Variants in TC2N observed in about 807,000 individuals in gnomAD.
TC2N encodes the protein tandem C2 domains, nuclear.
Under a neutral mutation model 61.9 loss-of-function variants are expected in TC2N, and 51 were observed. That is an observed-to-expected ratio of 0.82 (90% CI 0.66 to 1.04). TC2N has a LOEUF of 1.04. Among genes scored for constraint, TC2N ranks in the 50% least tolerant of loss-of-function variants. The pLI, the probability that TC2N is intolerant of heterozygous loss-of-function variation, is 0.00. For missense variants in TC2N, 556 were observed against 566.7 expected (o/e 0.98, Z 0.19); for synonymous variants, 204 against 192.6 (o/e 1.06, Z -0.49).
In TC2N at chr14:91,823,278, T is replaced by C. The variant is rs190126642; in HGVS notation, c.-56-9453A>G. ...GCTCATGCCTGTAGTCCCAGCACTT[T>C]GGGAGGCCAAGGCGGGTGGATCACC... On this transcript the variant is annotated intron_variant, in intron 1 of 11. Transcript: ENST00000435962. Among the ~76,000 whole-genome samples the C allele has an allele frequency of 1.5e-4, 23 of 151,806 alleles. No individual in the cohort carries two copies. In the East Asian group the frequency reaches 3.0e-3, roughly 20 times the overall value.
chr14:91,805,536 G>A (rs541040435), intron 3 of TC2N, among the ~76,000 whole-genome samples: 35 of 152,024 alleles, frequency 2.3e-4, no homozygotes, highest in Non-Finnish European at 3.7e-4. Flanking sequence ...GTGGTGGCCC[G>A]CGCCTGTAGT....
At chr14:91,851,537 G>C (rs1234130750) in intron 1 of TC2N, among the ~76,000 whole-genome samples, 1 of 152,136 alleles carries the variant, frequency 6.6e-6, no homozygotes, top group East Asian at 1.9e-4. Flanking sequence ...GAATGAAGAA[G>C]GAAGTTTTAA....
chr14:91,840,206 G>A (rs189938663), intron 1 of TC2N, among the ~76,000 whole-genome samples: 30 of 152,188 alleles, frequency 2.0e-4, no homozygotes, highest in African/African-American at 7.2e-4. Context: ...ATTGGATGGT[G>A]ATGTGAGTGA....
At chr14:91,823,059 C>T (rs1010674097) in intron 1 of TC2N, among the ~76,000 whole-genome samples, 5 of 151,966 alleles carry the variant, frequency 3.3e-5, no homozygotes, top group African/African-American at 1.2e-4. Flanking sequence ...TAGGTACATA[C>T]ATACATGAAA....
intron 4 of TC2N, among the ~76,000 whole-genome samples, chr14:91,801,003 T>C (rs938278153): frequency 1.3e-5 from 2 of 151,172 alleles, no homozygotes; most frequent in East Asian, 1.9e-4. Flanking sequence ...CACACATATG[T>C]ATACATATAT....
rs1885029210 is a variant in TC2N, at chr14:91,780,265, A to T, written c.*2835T>A. 1 of 152,244 alleles carries T rather than the reference A, an allele frequency of 6.6e-6. No individual in the cohort carries two copies. The allele number at this position is 152,244 out of a possible 1,614,324, so 9.4% of individuals were successfully genotyped here. On this transcript the variant is annotated 3_prime_UTR_variant, in exon 12 of 12. Transcript: ENST00000435962. ...ATCCTTCATAAGCAAGTATTTGATTAAACAAAAATGGAAAATGTTACTAGG... is the reference window on the plus strand; with the variant it reads ...ATCCTTCATAAGCAAGTATTTGATTTAACAAAAATGGAAAATGTTACTAGG...
At chr14:91,841,435 C>T (rs951073112) in intron 1 of TC2N, among the ~76,000 whole-genome samples, 3 of 152,174 alleles carry the variant, frequency 2.0e-5, no homozygotes, top group Non-Finnish European at 2.9e-5. Context: ...AGAATTGAGG[C>T]AAGATTTGGA....
At chr14:91,832,850 G>A (rs1470412889) in intron 1 of TC2N, among the ~76,000 whole-genome samples, 1 of 152,052 alleles carries the variant, frequency 6.6e-6, no homozygotes, top group Non-Finnish European at 1.5e-5. Flanking sequence ...CCATCCGCAG[G>A]ATAATGGATA....
chr14:91,847,710 T>A lies in TC2N; in HGVS notation c.-57+19552A>T, dbSNP rs942098095. ...TGGAGCAGATATAAGCCTTTCCCAC[T>A]CAGCCCTGCCCACATTGCAGATTCA... On this transcript the variant is annotated intron_variant, in intron 1 of 11. Transcript: ENST00000435962. Among the ~76,000 whole-genome samples, 9 of 152,146 alleles carry A rather than the reference T, an allele frequency of 5.9e-5. 1 individual carries two copies. Among genetic ancestry groups the A allele is most frequent in the Non-Finnish European group, 8.8e-5 (6 of 68,018 alleles).
intron 1 of TC2N, among the ~76,000 whole-genome samples, chr14:91,852,166 G>A (rs1888388293): frequency 1.3e-5 from 2 of 152,212 alleles, no homozygotes; most frequent in African/African-American, 2.4e-5. Context: ...GGTGGCTCAC[G>A]CCTGTAATCC....
At chr14:91,835,500 A>G (rs1265698865) in intron 1 of TC2N, among the ~76,000 whole-genome samples, 2 of 152,224 alleles carry the variant, frequency 1.3e-5, no homozygotes, top group Admixed American at 6.5e-5. Flanking sequence ...CAATCCTTTT[A>G]TATGCTGTAT....
At position 91,838,376 on chromosome 14, in the gene TC2N, C is replaced by A. The variant is rs61155702; in HGVS notation, c.-56-24551G>T. ...GTCCAGGCTGGTCTGAAACTCCTGG[C>A]TTCAAGCAATCCTCATGCCTCAGCC... On this transcript the variant is annotated intron_variant, in intron 1 of 11. Transcript: ENST00000435962. Among the ~76,000 whole-genome samples the A allele has an allele frequency of 5.4e-4, 82 of 152,178 alleles. 1 individual carries two copies. The East Asian group carries it at 0.014, about 27-fold the overall frequency.
intron 1 of TC2N, among the ~76,000 whole-genome samples, chr14:91,851,262 C>T (rs1217303259): frequency 6.6e-6 from 1 of 152,128 alleles, no homozygotes; most frequent in South Asian, 2.1e-4. Flanking sequence ...TAATGAAGAC[C>T]ACTTTACAAT....
chr14:91,785,754 G>A (rs758209994), intron 10 of TC2N, among the ~76,000 whole-genome samples: 34 of 152,150 alleles, frequency 2.2e-4, no homozygotes, highest in Middle Eastern at 6.8e-3. Context: ...GACTCCAGGA[G>A]TTAAGTATAT....
intron 8 of TC2N, 32 bp downstream of exon 8, chr14:91,797,753 G>T: frequency 7.9e-6 from 10 of 1,260,364 alleles, no homozygotes; most frequent in Non-Finnish European, 1.0e-5. Context: ...AAAAAAAACA[G>T]AAAAGAAATT....
At chr14:91,864,573 G>A (rs974020608) in intron 1 of TC2N, among the ~76,000 whole-genome samples, 8 of 152,086 alleles carry the variant, frequency 5.3e-5, no homozygotes, top group African/African-American at 1.9e-4. Flanking sequence ...ATTCTGAGTA[G>A]AAGGTTGGAA....
intron 9 of TC2N, among the ~76,000 whole-genome samples, chr14:91,789,151 C>T (rs1366700393): frequency 6.6e-6 from 1 of 152,088 alleles, no homozygotes; most frequent in Non-Finnish European, 1.5e-5. Flanking sequence ...GGTGGCAAAA[C>T]GTCTCTTATT....
intron 1 of TC2N, among the ~76,000 whole-genome samples, chr14:91,847,719 C>G (rs1176177871): frequency 1.3e-5 from 2 of 152,156 alleles, no homozygotes; most frequent in Non-Finnish European, 2.9e-5. Context: ...CTCAGCCCTG[C>G]CCACATTGCA....
chr14:91,815,482 G>C (rs1304514962), intron 1 of TC2N, among the ~76,000 whole-genome samples: 1 of 151,556 alleles, frequency 6.6e-6, no homozygotes, highest in African/African-American at 2.4e-5. Flanking sequence ...CATTTACCAG[G>C]AAATTAAATT....
Sources: gnomAD v4.1 joint callset for allele counts (sites outside exome capture counted in the v4.1 genomes callset) on GRCh38, gnomAD v4.1.1 for gene constraint, MANE v1.5 for transcripts, NCBI Gene and HGNC (gene_info 2026-07-23, HGNC 2026-07-21) for gene names.